Variants in SLC35F4 observed in about 807,000 individuals in gnomAD.
The protein encoded by SLC35F4 is solute carrier family 35 member F4.
SLC35F4 carries 24 observed loss-of-function variants against 44.2 expected under a neutral mutation model. The ratio of observed to expected loss-of-function variants is 0.54; its 90% CI spans 0.39 to 0.76. The LOEUF (loss-of-function observed/expected upper bound fraction) is 0.76. Ranked by LOEUF, SLC35F4 falls within the 30% of genes least tolerant of loss-of-function variation. The pLI, the probability that SLC35F4 is intolerant of heterozygous loss-of-function variation, is 0.00. For missense variants in SLC35F4, 562 were observed against 586.1 expected (o/e 0.96, Z 0.42); for synonymous variants, 238 against 223.6 (o/e 1.06, Z -0.57).
rs577806825 is a variant in SLC35F4, at chr14:57,846,617, A to G, written c.103+19106T>C. ...CACTTGTATACAGAACTTAAAGTTC[A>G]TATCCACTACTAAGATACATGAGAT... On this transcript the variant is annotated intron_variant, in intron 1 of 7. Transcript: ENST00000556826. Among the ~76,000 whole-genome samples the G allele has an allele frequency of 7.2e-5, 11 of 152,374 alleles. No individual in the cohort carries two copies. In the East Asian group the frequency reaches 1.9e-3, roughly 27 times the overall value.
chr14:57,916,664 G>A (rs1353703099), intron 1 of SLC35F4, among the ~76,000 whole-genome samples: 2 of 151,888 alleles, frequency 1.3e-5, no homozygotes, highest in African/African-American at 2.4e-5. Context: ...ATTCTGTTTT[G>A]TATTTTACAG....
intron 1 of SLC35F4, among the ~76,000 whole-genome samples, chr14:57,684,045 G>A (rs2074992620): frequency 6.6e-6 from 1 of 152,086 alleles, no homozygotes; most frequent in Non-Finnish European, 1.5e-5. Context: ...CTTCATCAGT[G>A]AGCAAGCCTC....
intron 3 of SLC35F4, among the ~76,000 whole-genome samples, chr14:57,584,263 C>CATCTAGA (rs1278623417): frequency 6.6e-6 from 1 of 151,930 alleles, no homozygotes; most frequent in Non-Finnish European, 1.5e-5. Context: ...CAGTCCTTAC[C>CATCTAGA]ATCTAGATTT....
intron 1 of SLC35F4, chr14:57,629,991 T>C: frequency 1.9e-6 from 1 of 528,972 alleles, no homozygotes; most frequent in East Asian, 5.3e-5. Context: ...AGTGTGAACT[T>C]GGTCATTATG....
chr14:57,585,942 C>A (rs904161099), intron 3 of SLC35F4, among the ~76,000 whole-genome samples: 1 of 152,324 alleles, frequency 6.6e-6, no homozygotes, highest in South Asian at 2.1e-4. Context: ...ATCAAGCTAT[C>A]ATTGACTTTC....
chr14:57,904,219 T>A (rs1224880264), intron 1 of SLC35F4, among the ~76,000 whole-genome samples: 1 of 152,206 alleles, frequency 6.6e-6, no homozygotes, highest in East Asian at 1.9e-4. Context: ...CTGGAAGGTG[T>A]ATCTATTGGT....
At chr14:57,605,646 A>G (rs1346072219) in intron 1 of SLC35F4, among the ~76,000 whole-genome samples, 1 of 152,128 alleles carries the variant, frequency 6.6e-6, no homozygotes, top group Non-Finnish European at 1.5e-5. Context: ...CCAAAAAGAT[A>G]TGTGCATCCA....
chr14:57,852,123 C>T (rs1178822496), intron 1 of SLC35F4, among the ~76,000 whole-genome samples: 1 of 152,034 alleles, frequency 6.6e-6, no homozygotes, highest in Non-Finnish European at 1.5e-5. Context: ...TAAACAGTTA[C>T]AAAAGTGAAC....
chr14:57,712,655 C>T (rs1092050), intron 1 of SLC35F4, among the ~76,000 whole-genome samples: 148,527 of 152,340 alleles, frequency 0.97, 72,522 homozygotes, highest in Non-Finnish European at 1. Flanking sequence ...CATTTACTTT[C>T]ATTTCAGAAC....
chr14:57,640,473 A>G (rs2073178320), intron 1 of SLC35F4, among the ~76,000 whole-genome samples: 1 of 152,044 alleles, frequency 6.6e-6, no homozygotes, highest in Non-Finnish European at 1.5e-5. Context: ...TTGTGACTCA[A>G]GAGTAACTCC....
At chr14:57,752,452 TTTTTTTTTC>T (rs1269433564) in intron 1 of SLC35F4, among the ~76,000 whole-genome samples, 4 of 151,604 alleles carry the variant, frequency 2.6e-5, no homozygotes, top group Admixed American at 6.6e-5. Flanking sequence ...CCCTGAGGTT[TTTTTTTTTC>T]TTTTTTTTCT....
chr14:57,624,843 A>G (rs188063714), intron 1 of SLC35F4, among the ~76,000 whole-genome samples: 9 of 152,282 alleles, frequency 5.9e-5, no homozygotes, highest in Admixed American at 3.9e-4. Flanking sequence ...CCCACAGCCA[A>G]TATCATACTG....
chr14:57,970,590 A>G (rs1881023939), intron 1 of SLC35F4, among the ~76,000 whole-genome samples: 1 of 152,222 alleles, frequency 6.6e-6, no homozygotes, highest in African/African-American at 2.4e-5. Context: ...CAAGAAATAT[A>G]TCTCCCAGGA....
intron 1 of SLC35F4, chr14:57,596,971 G>GTCT: frequency 3.8e-6 from 4 of 1,055,006 alleles, no homozygotes; most frequent in South Asian, 1.4e-5. Context: ...ACGTATTCAG[G>GTCT]GGTTGGGCCA....
chr14:57,582,332 A>G (rs1456519822), intron 3 of SLC35F4, among the ~76,000 whole-genome samples: 1 of 152,096 alleles, frequency 6.6e-6, no homozygotes, highest in Non-Finnish European at 1.5e-5. Flanking sequence ...AGTAGCTGGG[A>G]CTACAGGCAC....
chr14:57,625,946 G>C (rs1311317875), intron 1 of SLC35F4, among the ~76,000 whole-genome samples: 1 of 152,110 alleles, frequency 6.6e-6, no homozygotes. Flanking sequence ...TGATAGGCTG[G>C]ATAAAGAAAA....
chr14:57,730,102 G>A (rs1297757059), intron 1 of SLC35F4, among the ~76,000 whole-genome samples: 1 of 152,226 alleles, frequency 6.6e-6, no homozygotes, highest in East Asian at 1.9e-4. Flanking sequence ...AAGGGGTAGT[G>A]CTGGTGATTC....
intron 1 of SLC35F4, among the ~76,000 whole-genome samples, chr14:57,891,896 T>C (rs1044713247): frequency 7.1e-6 from 1 of 141,634 alleles, no homozygotes; most frequent in Non-Finnish European, 1.5e-5. Flanking sequence ...AAAGATTCTT[T>C]CTTAAGAGTC....
chr14:57,919,035 G>A (rs567879923), intron 1 of SLC35F4, among the ~76,000 whole-genome samples: 34 of 152,166 alleles, frequency 2.2e-4, no homozygotes, highest in African/African-American at 7.0e-4. Flanking sequence ...GTGTGACCAC[G>A]TAACTGGCTC....
Sources: allele counts gnomAD v4.1 joint callset (sites outside exome capture counted in the v4.1 genomes callset), GRCh38; gene constraint gnomAD v4.1.1; transcripts MANE v1.5; gene names NCBI Gene and HGNC (gene_info 2026-07-23, HGNC 2026-07-21).